The following CHEK2 variants were observed in gnomAD, a reference collection of about 807,000 sequenced individuals.
CHEK2 encodes the protein serine/threonine-protein kinase Chk2.
In CHEK2, 71 loss-of-function variants were observed where a neutral mutation model predicts 69.1. The observed-to-expected ratio is 1.03, with a 90% CI of 0.85 to 1.25. CHEK2 has a LOEUF of 1.25. CHEK2 is among the 50% of genes most tolerant of loss of function. CHEK2 has a pLI of 0.00. For synonymous variants in CHEK2, 189 were observed against 226.9 expected, an observed-to-expected ratio of 0.83 and a Z score of 1.50; for missense variants, 664 against 649.6, an observed-to-expected ratio of 1.02 and a Z score of -0.24.
At chr22:28,718,879 C>A (rs2053670088) in intron 5 of CHEK2, among the ~76,000 whole-genome samples, 1 of 105,312 alleles carries the variant, frequency 9.5e-6, no homozygotes, top group Non-Finnish European at 2.0e-5. Context: ...AAGACTCTGA[C>A]ACTAACACAC....
intron 7 of CHEK2, among the ~76,000 whole-genome samples, chr22:28,705,723 C>T (rs184370386): frequency 6.6e-6 from 1 of 151,570 alleles, no homozygotes; most frequent in South Asian, 2.1e-4. Context: ...GTCAGGAGTT[C>T]GTGACCAGCC....
chr22:28,714,952 A>G (rs544403818), intron 5 of CHEK2, among the ~76,000 whole-genome samples: 381 of 152,300 alleles, frequency 2.5e-3, no homozygotes, highest in Non-Finnish European at 3.9e-3. Context: ...CTGGGTGTCT[A>G]CTATGGCACA....
At chr22:28,736,357 C>T (rs779087821) in intron 1 of CHEK2, among the ~76,000 whole-genome samples, 9 of 152,104 alleles carry the variant, frequency 5.9e-5, no homozygotes, top group Non-Finnish European at 1.2e-4. Flanking sequence ...TCACTGGTAC[C>T]CCTTTTCCCC....
In CHEK2 at chr22:28,725,242, C is replaced by T. The variant is rs121908698; in HGVS notation, c.444+1G>A. The T allele has an allele frequency of 9.0e-5, 146 of 1,614,078 alleles. No homozygotes were observed. Among genetic ancestry groups the T allele is most frequent in the Non-Finnish European group, 1.0e-4 (120 of 1,180,006 alleles). On this transcript the variant is annotated splice_donor_variant, in intron 3 of 14. Coordinates refer to ENST00000404276, the MANE Select transcript of CHEK2 (RefSeq NM_007194.4). LOFTEE classifies it high-confidence loss of function. ...TAGATACATGGGTATTCATTACCTA[C>T]CCTGAAAATCCGAAAGTGTTTCTTG...
chr22:28,736,882 G>A (rs945074980), intron 1 of CHEK2, among the ~76,000 whole-genome samples: 4 of 151,854 alleles, frequency 2.6e-5, no homozygotes, highest in African/African-American at 9.7e-5. Context: ...GTTGAAGGCT[G>A]CAGTGAGCTA....
rs1241237967 is a variant in CHEK2, at chr22:28,707,860, G to A, written c.846+2146C>T. Among the ~76,000 whole-genome samples the A allele has an allele frequency of 7.5e-5, 9 of 120,486 alleles. 1 individual carries two copies. The highest frequency in any genetic ancestry group is 2.7e-4 in the East Asian group (1 of 3,762). 79.0% of individuals were successfully genotyped at this position (120,486 alleles called of 152,430 possible). A position where few individuals can be genotyped will look rare whatever the true frequency, so the allele number is the denominator to read the frequency against. Reference sequence around the variant, plus strand: ...TTTTTTTTTTTTTTTTTTGTGAGACGGAGTCTCGCTCTGTTGCCCAGGCTG... The same window carrying A: ...TTTTTTTTTTTTTTTTTTGTGAGACAGAGTCTCGCTCTGTTGCCCAGGCTG... On this transcript the variant is annotated intron_variant, in intron 7 of 14. Transcript: ENST00000404276.
chr22:28,710,885 G>C (rs778642833), intron 6 of CHEK2, among the ~76,000 whole-genome samples: 3 of 152,054 alleles, frequency 2.0e-5, no homozygotes, highest in Non-Finnish European at 4.4e-5. Flanking sequence ...AAATCAAAAC[G>C]TAAAATTTTA....
At chr22:28,715,716 G>A (rs1201543974) in intron 5 of CHEK2, among the ~76,000 whole-genome samples, 4 of 152,046 alleles carry the variant, frequency 2.6e-5, no homozygotes, top group Non-Finnish European at 5.9e-5. Flanking sequence ...CACTATGCCC[G>A]GCCTGGCTAT....
chr22:28,692,165 AC>A (rs2052391426), intron 13 of CHEK2, among the ~76,000 whole-genome samples: 2 of 152,216 alleles, frequency 1.3e-5, no homozygotes, highest in South Asian at 4.1e-4. Flanking sequence ...GCAGATGCAA[AC>A]CCTGTTCCCA....
intron 8 of CHEK2, among the ~76,000 whole-genome samples, chr22:28,702,008 G>C (rs1332289050): frequency 6.7e-6 from 1 of 149,596 alleles, no homozygotes; most frequent in Non-Finnish European, 1.5e-5. Flanking sequence ...CTGGAGTGCA[G>C]TGGCACAATC....
intron 1 of CHEK2, among the ~76,000 whole-genome samples, chr22:28,737,474 CTTT>C (rs543703620): frequency 3.6e-5 from 5 of 137,322 alleles, no homozygotes; most frequent in Non-Finnish European, 3.2e-5. Flanking sequence ...CTGATTATTT[CTTT>C]TTTTTTTTTT....
rs757340619 is a variant in CHEK2, at chr22:28,725,333, G to T, written c.354C>A (p.Asp118Glu). 2.5e-6 allele frequency: 4 copies of T among 1,613,878 alleles called. No homozygotes were observed. Among genetic ancestry groups the T allele is most frequent in the Non-Finnish European group, 3.4e-6 (4 of 1,179,956 alleles). The change falls in exon 3 of 15, where the codon GAC becomes GAA. Residue 118 changes from aspartate (D) to glutamate (E), a missense_variant. Physicochemically the swap from Asp to Glu is conservative, Grantham distance 45. Transcript: ENST00000404276. ...CATCAAAGCAATATTCACAGCTTTT[G>T]TCCCTCCCAAACCAGTAGTTGTCAT... ...CVNDNYWFGR[D>E]KSCEYCFDEP... is the part of the protein sequence containing the mutation.
At chr22:28,720,251 C>T (rs141448229) in intron 4 of CHEK2, among the ~76,000 whole-genome samples, 3,538 of 151,716 alleles carry the variant, frequency 0.023, 65 homozygotes, top group African/African-American at 0.049. Context: ...GCACCATGCC[C>T]GGCTAAGTTT....
intron 2 of CHEK2, among the ~76,000 whole-genome samples, chr22:28,728,386 G>A (rs755557015): frequency 6.6e-6 from 1 of 152,126 alleles, no homozygotes; most frequent in Non-Finnish European, 1.5e-5. Context: ...ACTAACACAA[G>A]AAGAAACAGA....
intron 2 of CHEK2, among the ~76,000 whole-genome samples, chr22:28,727,515 TAAC>T (rs918065514): frequency 6.6e-6 from 1 of 152,170 alleles, no homozygotes; most frequent in Admixed American, 6.6e-5. Context: ...ACCTCTTGTT[TAAC>T]AGTACAACTC....
At position 28,717,336 on chromosome 22, in the gene CHEK2, C is replaced by A. The variant is rs142052243; in HGVS notation, c.683+2059G>T. Among the ~76,000 whole-genome samples, 129 of 152,198 alleles carry A rather than the reference C, an allele frequency of 8.5e-4. 2 individuals are homozygous for A. The East Asian group carries it at 0.02, about 23-fold the overall frequency. On this transcript the variant is annotated intron_variant, in intron 5 of 14. Transcript: ENST00000404276. ...GAGGTTGAAGTGAGCTGAGATCGTG[C>A]CACTGCACTCCAGCCTGGGTGACAG... is the stretch of plus-strand genomic sequence containing the variant.
At chr22:28,707,852 T>C (rs2053210354) in intron 7 of CHEK2, among the ~76,000 whole-genome samples, 1 of 146,662 alleles carries the variant, frequency 6.8e-6, no homozygotes, top group East Asian at 2.0e-4. Context: ...TTTTTTTTTT[T>C]GTGAGACGGA....
rs145183886 is a variant in CHEK2 at position 28,734,707 on chromosome 22, C to T, written c.15G>A (p.Ser5=). ...CATGAGACTGCTGAGCCTCAACATC[C>T]GACTCCCGAGACATCACGACCTCAA... MSRE[S]DVEAQQSHGS... is the part of the protein sequence containing the mutation. The change falls in exon 2 of 15, where the codon TCG becomes TCA. Residue 5 remains serine, a synonymous_variant. Transcript: ENST00000404276. 117 of 1,613,406 alleles carry T rather than the reference C, an allele frequency of 7.3e-5. No homozygotes were observed. The highest frequency in any genetic ancestry group is 3.3e-4 in the South Asian group (30 of 91,008).
Position 28,729,540 on chromosome 22 carries a change from C to CAAAAA in CHEK2, c.320-4178_320-4174dup, listed in dbSNP as rs58149342. 2.9e-4 allele frequency among the ~76,000 whole-genome samples: 24 copies of CAAAAA among 83,072 alleles called. 1 individual carries two copies. The highest frequency in any genetic ancestry group is 7.9e-4 in the African/African-American group (15 of 18,892). 54.5% of individuals were successfully genotyped at this position (83,072 alleles called of 152,430 possible). On this transcript the variant is annotated intron_variant, in intron 2 of 14. Transcript: ENST00000404276. ...CCTGGGCGACAGCGAGACTCCATCT[C>CAAAAA]AAAAAAAAAAAAAAAAAAAAAAAAA... is the stretch of plus-strand genomic sequence containing the variant.
Sources: allele counts gnomAD v4.1 joint callset (sites outside exome capture counted in the v4.1 genomes callset), GRCh38; gene constraint gnomAD v4.1.1; transcripts MANE v1.5; gene names NCBI Gene and HGNC (gene_info 2026-07-23, HGNC 2026-07-21).